IMPG1: variants seen among roughly 807,000 people sequenced by gnomAD.
IMPG1 encodes the protein interphotoreceptor matrix proteoglycan 1, also known as interphotoreceptor matrix proteoglycan of 150 kDa.
IMPG1 carries 85 observed loss-of-function variants against 92.0 expected under a neutral mutation model. The observed-to-expected ratio is 0.92, with a 90% CI of 0.78 to 1.11. IMPG1 has a LOEUF of 1.11. Ranked by LOEUF, IMPG1 falls within the 50% of genes least tolerant of loss-of-function variation. The pLI is 0.00. For missense variants in IMPG1, 1,022 were observed against 956.0 expected (o/e 1.07, Z -0.91); for synonymous variants, 367 against 334.1 (o/e 1.10, Z -1.08).
chr6:76,029,558 C>T lies in IMPG1; in HGVS notation c.498-4300G>A, dbSNP rs1783617574. On this transcript the variant is annotated intron_variant, in intron 4 of 16. Transcript: ENST00000369950. The stretch of plus-strand genomic sequence containing the variant: ...AGATTTTGCCTATATTTTAGACTAA[C>T]CCTGCTTGTTCCTGTGAACCAACCA... Among the ~76,000 whole-genome samples, 5 of 152,168 alleles carry T rather than the reference C, an allele frequency of 3.3e-5. No individual in the cohort carries two copies. In the South Asian group the frequency reaches 1.0e-3, roughly 32 times the overall value.
chr6:75,995,486 C>G (rs77179618), intron 12 of IMPG1, among the ~76,000 whole-genome samples: 10,486 of 152,232 alleles, frequency 0.069, 426 homozygotes, highest in South Asian at 0.11. Context: ...CAGCTACTCC[C>G]CTCTGCTGAA....
intron 4 of IMPG1, among the ~76,000 whole-genome samples, chr6:76,026,534 G>A (rs1385257343): frequency 1.3e-5 from 2 of 152,144 alleles, no homozygotes; most frequent in Admixed American, 6.5e-5. Context: ...GGGCTGGGAC[G>A]TATGGTCCAA....
At chr6:75,923,801 G>C (rs1582042692) in intron 15 of IMPG1, 95 bp from the exon 16 acceptor site, 1 of 706,334 alleles carries the variant, frequency 1.4e-6, no homozygotes, top group East Asian at 2.7e-5. Context: ...TTAACATCAT[G>C]ACAAGTGAAA....
At chr6:76,069,816 T>C (rs534084053) in intron 1 of IMPG1, among the ~76,000 whole-genome samples, 1 of 151,922 alleles carries the variant, frequency 6.6e-6, no homozygotes, top group East Asian at 1.9e-4. Flanking sequence ...AAAAATGAAA[T>C]CATGTCTTTT....
rs549447724 is a variant in IMPG1, at chr6:76,029,664, T to A, written c.498-4406A>T. On this transcript the variant is annotated intron_variant, in intron 4 of 16. Transcript: ENST00000369950. ...GGATCAATATTCTGGTTCTGAGCAA[T>A]TATCCTGCAAATCCTGCCAGGTGAT... Among the ~76,000 whole-genome samples the A allele has an allele frequency of 3.7e-4, 56 of 152,252 alleles. No homozygotes were observed. The Middle Eastern group carries it at 0.01, about 28-fold the overall frequency.
intron 12 of IMPG1, among the ~76,000 whole-genome samples, chr6:76,001,332 C>T (rs115232262): frequency 2.2e-3 from 338 of 152,272 alleles, no homozygotes; most frequent in African/African-American, 7.8e-3. Context: ...TTTGTCCAAA[C>T]AACTCTTAAA....
At chr6:76,021,360 C>T (rs1240494862) in intron 6 of IMPG1, among the ~76,000 whole-genome samples, 1 of 152,090 alleles carries the variant, frequency 6.6e-6, no homozygotes, top group Admixed American at 6.5e-5. Context: ...CAAGCTTCAC[C>T]CTGACAACCT....
chr6:76,019,215 A>T (rs181483894), intron 6 of IMPG1, among the ~76,000 whole-genome samples: 35 of 152,276 alleles, frequency 2.3e-4, no homozygotes, highest in African/African-American at 8.2e-4. Context: ...CCAAGAGGTC[A>T]TCCTTCTTGC....
chr6:75,990,589 ACAC>A (rs1782798296), intron 12 of IMPG1, among the ~76,000 whole-genome samples: 1 of 35,344 alleles, frequency 2.8e-5, no homozygotes, highest in Non-Finnish European at 4.7e-5. Flanking sequence ...CCCCACCTCT[ACAC>A]ACACACACAC....
At chr6:75,950,438 C>T in intron 13 of IMPG1, 124 bp downstream of exon 13, 1 of 814,006 alleles carries the variant, frequency 1.2e-6, no homozygotes, top group Non-Finnish European at 1.9e-6. Flanking sequence ...TCTTCAGCAA[C>T]AGCTGGCTTG....
chr6:75,956,056 A>T (rs546860970), intron 12 of IMPG1, among the ~76,000 whole-genome samples: 13 of 151,314 alleles, frequency 8.6e-5, no homozygotes, highest in Non-Finnish European at 4.4e-5. Flanking sequence ...TTGGCCTGAA[A>T]TTTTTTTTTG....
At chr6:76,030,923 C>T (rs887627318) in intron 4 of IMPG1, among the ~76,000 whole-genome samples, 3 of 152,104 alleles carry the variant, frequency 2.0e-5, no homozygotes, top group African/African-American at 4.8e-5. Context: ...AAGTTCATGA[C>T]ATTTGCAGCG....
chr6:76,072,611 T>C lies in IMPG1; in HGVS notation c.-123A>G. ...TACCAGATGATTGAGGATAACCTTCTTGGTTTACCTTTATGAGGGTGTTAA... is the reference window on the plus strand; with the variant it reads ...TACCAGATGATTGAGGATAACCTTCCTGGTTTACCTTTATGAGGGTGTTAA... On this transcript the variant is annotated 5_prime_UTR_variant, in exon 1 of 17. Transcript: ENST00000369950. The C allele has an allele frequency of 1.7e-6, 1 of 589,656 alleles. No individual in the cohort carries two copies. The highest frequency in any genetic ancestry group is 2.9e-6 in the Non-Finnish European group (1 of 339,630). The allele number at this position is 589,656 out of a possible 1,614,324, so 36.5% of individuals were successfully genotyped here.
chr6:75,958,932 C>T (rs6932402), intron 12 of IMPG1, among the ~76,000 whole-genome samples: 70,351 of 151,818 alleles, frequency 0.46, 16,736 homozygotes, highest in East Asian at 0.67. Flanking sequence ...TGACAAGTTG[C>T]GATCCTTTGG....
At chr6:76,068,278 C>T (rs143136427) in intron 1 of IMPG1, among the ~76,000 whole-genome samples, 9 of 152,028 alleles carry the variant, frequency 5.9e-5, no homozygotes, top group South Asian at 4.1e-4. Context: ...TGATCTTATA[C>T]GTAGAAAATC....
intron 15 of IMPG1, 56 bp downstream of exon 15, chr6:75,930,897 C>G (rs958776804): frequency 2.5e-5 from 37 of 1,461,074 alleles, no homozygotes; most frequent in African/African-American, 2.8e-5. Flanking sequence ...TGATGGGTTT[C>G]TCAGAAGTGT....
intron 12 of IMPG1, among the ~76,000 whole-genome samples, chr6:75,982,576 G>GATATATATAGATATATATATGTGTGTGT (rs1782646031): frequency 1.0e-5 from 1 of 95,694 alleles, no homozygotes; most frequent in East Asian, 3.9e-4. Context: ...TATCTATATA[G>GATATATATAGATATATATATGTGTGTGT]ATATATATAG....
intron 1 of IMPG1, among the ~76,000 whole-genome samples, chr6:76,052,134 T>C (rs1337233724): frequency 6.6e-6 from 1 of 152,166 alleles, no homozygotes; most frequent in African/African-American, 2.4e-5. Context: ...GGAAGTTGCC[T>C]CTTTCGTGCC....
Position 76,002,933 on chromosome 6 carries a change from C to G in IMPG1, c.1276G>C (p.Glu426Gln). Residue 426 changes from glutamate to glutamine, a missense_variant, in exon 12 of 17, where the codon GAG becomes CAG. Glu to Gln is a conservative substitution (Grantham distance 29). Transcript: ENST00000369950. The stretch of plus-strand genomic sequence containing the variant: ...GGAAACTTACCAGGTAGACCATGCT[C>G]TGCTCCGTCCACTGTCTCAAGCTGG... ...EPQLETVDGA[E>Q]HGLPDTSWSP... 2 of 1,613,218 alleles carry G rather than the reference C, an allele frequency of 1.2e-6. No homozygotes were observed. Among genetic ancestry groups the G allele is most frequent in the Non-Finnish European group, 1.7e-6 (2 of 1,179,306 alleles).
Sources: gnomAD v4.1 joint callset for allele counts (sites outside exome capture counted in the v4.1 genomes callset) on GRCh38, gnomAD v4.1.1 for gene constraint, MANE v1.5 for transcripts, NCBI Gene and HGNC (gene_info 2026-07-23, HGNC 2026-07-21) for gene names.